Variants in KIAA1671 observed in about 807,000 individuals in gnomAD.
KIAA1671 encodes KIAA1671.
A neutral mutation model predicts 131.2 loss-of-function variants in KIAA1671; 52 were observed. That is an observed-to-expected ratio of 0.40 (90% CI 0.32 to 0.50). KIAA1671 has a LOEUF of 0.50. Among genes scored for constraint, KIAA1671 ranks in the 20% least tolerant of loss-of-function variants. The pLI, the probability that KIAA1671 is intolerant of heterozygous loss-of-function variation, is 0.73. For synonymous variants in KIAA1671, 1,003 were observed against 961.6 expected (o/e 1.04, Z -0.80); for missense variants, 2,360 against 2,364.2 (o/e 1.00, Z 0.04).
chr22:25,094,040 G>T (rs182559287), intron 6 of KIAA1671, among the ~76,000 whole-genome samples: 163 of 152,120 alleles, frequency 1.1e-3, no homozygotes, highest in African/African-American at 3.4e-3. Context: ...GGACTGTATA[G>T]GTGTCCACAT....
chr22:25,040,210 T>C lies in KIAA1671; in HGVS notation c.3080T>C (p.Phe1027Ser). 1 of 1,551,672 alleles carries C rather than the reference T, an allele frequency of 6.4e-7. No homozygotes were observed. The highest frequency in any genetic ancestry group is 8.7e-7 in the Non-Finnish European group (1 of 1,146,998). ...TCACCTGTGGAACCCAAGGCGACATTTTTTGCAGTCACCTATCAGATTCCC... is the reference window on the plus strand; with the variant it reads ...TCACCTGTGGAACCCAAGGCGACATCTTTTGCAGTCACCTATCAGATTCCC... ...QGSPVEPKAT[F>S]FAVTYQIPNT... is the part of the protein sequence containing the mutation. The change falls in exon 5 of 13, where the codon TTT (phenylalanine) becomes TCT (serine). Residue 1027 changes from phenylalanine to serine, a missense_variant. Around this residue, in one of 3 missense-constraint regions of KIAA1671, gnomAD observed 1,161 missense variants for 1,204.7 expected, o/e 0.96. Coordinates refer to ENST00000358431, the MANE Select transcript of KIAA1671 (RefSeq NM_001145206.2).
intron 1 of KIAA1671, among the ~76,000 whole-genome samples, chr22:24,999,771 C>G (rs541730601): frequency 3.3e-5 from 5 of 150,538 alleles, no homozygotes; most frequent in Non-Finnish European, 5.9e-5. Context: ...TCATATTGTT[C>G]AGACTGGTCT....
At chr22:25,165,017 G>GTGTGTGTGTGTGTC (rs1254688272) in intron 6 of KIAA1671, among the ~76,000 whole-genome samples, 2 of 146,962 alleles carry the variant, frequency 1.4e-5, no homozygotes, top group East Asian at 2.0e-4. Context: ...GTGTGTGTGT[G>GTGTGTGTGTGTGTC]TGTGTCTGTG....
At chr22:25,149,543 C>T (rs1358806622) in intron 6 of KIAA1671, among the ~76,000 whole-genome samples, 2 of 152,128 alleles carry the variant, frequency 1.3e-5, no homozygotes, top group African/African-American at 4.8e-5. Flanking sequence ...AGCATCTTGC[C>T]TCCTCCCTTC....
chr22:25,110,531 C>T (rs1931275414), intron 6 of KIAA1671, among the ~76,000 whole-genome samples: 1 of 152,170 alleles, frequency 6.6e-6, no homozygotes, highest in Non-Finnish European at 1.5e-5. Flanking sequence ...ATTTCCTTGT[C>T]TGTAAAAGTA....
chr22:24,970,571 C>T (rs986854741), intron 1 of KIAA1671, among the ~76,000 whole-genome samples: 5 of 152,008 alleles, frequency 3.3e-5, no homozygotes, highest in African/African-American at 1.2e-4. Context: ...AGGCTCCTAG[C>T]ACAGCCAGGC....
At chr22:25,114,402 C>G (rs530472533) in intron 6 of KIAA1671, among the ~76,000 whole-genome samples, 4 of 152,376 alleles carry the variant, frequency 2.6e-5, no homozygotes, top group African/African-American at 9.6e-5. Flanking sequence ...AATGCTCTCT[C>G]TCTGTTGCTT....
intron 11 of KIAA1671, chr22:25,185,395 G>C (rs1934443099): frequency 2.4e-6 from 1 of 409,906 alleles, no homozygotes; most frequent in African/African-American, 2.1e-5. Context: ...ACCATTGCTG[G>C]AGAACTACTG....
chr22:25,192,137 C>T (rs1274340358), intron 12 of KIAA1671, among the ~76,000 whole-genome samples: 1 of 152,060 alleles, frequency 6.6e-6, no homozygotes, highest in African/African-American at 2.4e-5. Flanking sequence ...ATTTAAGCCT[C>T]CAGCAACCCC....
chr22:25,068,610 A>G (rs1207481780), intron 6 of KIAA1671, among the ~76,000 whole-genome samples: 6 of 152,106 alleles, frequency 3.9e-5, no homozygotes, highest in South Asian at 2.1e-4. Flanking sequence ...CTAATTTTTT[A>G]TATTTTTAGT....
At chr22:25,189,338 A>T (rs1240756758) in intron 11 of KIAA1671, among the ~76,000 whole-genome samples, 1 of 151,478 alleles carries the variant, frequency 6.6e-6, no homozygotes, top group African/African-American at 2.4e-5. Flanking sequence ...ACACCCGGCT[A>T]ATTTTTTTTT....
chr22:25,118,838 G>T lies in KIAA1671; in HGVS notation c.4531-51982G>T, dbSNP rs78310888. Among the ~76,000 whole-genome samples the T allele has an allele frequency of 7.3e-3, 1,113 of 152,132 alleles. 6 individuals are homozygous for T. The highest frequency in any genetic ancestry group is 0.011 in the Non-Finnish European group (735 of 68,004). Reference sequence around the variant, plus strand: ...CCCTCTGACCTCCTGCTCTTCGTCAGTCACCCCCTGCTCCTTCCAGACGCC... The same window carrying T: ...CCCTCTGACCTCCTGCTCTTCGTCATTCACCCCCTGCTCCTTCCAGACGCC... On this transcript the variant is annotated intron_variant, in intron 6 of 12. Transcript: ENST00000358431.
chr22:24,969,812 G>T (rs964315154), intron 1 of KIAA1671, among the ~76,000 whole-genome samples: 2 of 152,210 alleles, frequency 1.3e-5, no homozygotes, highest in African/African-American at 4.8e-5. Context: ...TCACTACCCA[G>T]TATGAACTTC....
chr22:25,196,438 T>C lies in KIAA1671; in HGVS notation c.*4037T>C, dbSNP rs1934830514. On this transcript the variant is annotated 3_prime_UTR_variant, in exon 13 of 13. Transcript: ENST00000358431. ...GTTTTCTAAAGAATTTGAACTTTTT[T>C]TTTTTTCTTTTCTTGAGACACGGTC... 1.3e-5 allele frequency: 2 copies of C among 152,086 alleles called. No individual in the cohort carries two copies. The highest frequency in any genetic ancestry group is 4.8e-5 in the African/African-American group (2 of 41,398). The allele number at this position is 152,086 out of a possible 1,614,324, so 9.4% of individuals were successfully genotyped here.
intron 6 of KIAA1671, among the ~76,000 whole-genome samples, chr22:25,145,379 G>A (rs1349737582): frequency 6.6e-6 from 1 of 152,220 alleles, no homozygotes; most frequent in Non-Finnish European, 1.5e-5. Context: ...GGACCTGCCT[G>A]TGGGCCATGA....
At chr22:25,009,104 G>A (rs551951459) in intron 1 of KIAA1671, among the ~76,000 whole-genome samples, 1 of 152,264 alleles carries the variant, frequency 6.6e-6, no homozygotes, top group East Asian at 1.9e-4. Flanking sequence ...GTGGAGGGGA[G>A]AGTGCAGTGC....
rs1271208839 is a variant in KIAA1671, at chr22:25,039,762, C to G, written c.2632C>G (p.Pro878Ala). ...CAAGCCAGGAGTGGGAGCAAGGGGC[C>G]CACCCCAGGGATGCCCCCTCGATCC... ...RSKPGVGARGPPQGCPLDPLS... is the reference protein window; with the variant it reads ...RSKPGVGARGAPQGCPLDPLS... Residue 878 changes from proline to alanine, a missense_variant, in exon 5 of 13, where the codon CCA becomes GCA. This residue lies in a region of KIAA1671 where 1,161 missense variants were observed against 1,204.7 expected (regional missense o/e 0.96). Coordinates refer to ENST00000358431, the MANE Select transcript of KIAA1671 (RefSeq NM_001145206.2). 4.0e-6 allele frequency: 6 copies of G among 1,496,564 alleles called. No homozygotes were observed. The South Asian group carries it at 6.7e-5, about 17-fold the overall frequency. 92.7% of individuals were successfully genotyped at this position (1,496,564 alleles called of 1,614,324 possible).
intron 6 of KIAA1671, among the ~76,000 whole-genome samples, chr22:25,123,806 A>G (rs530197369): frequency 6.6e-6 from 1 of 152,342 alleles, no homozygotes; most frequent in Admixed American, 6.5e-5. Context: ...GCTTCCAGAA[A>G]CGGTGTGAGA....
rs1235025522 is a variant in KIAA1671, at chr22:25,040,303, TCACTC to T, written c.3177_3181del (p.Pro1060LeufsTer16). 5 of 1,551,548 alleles carry T rather than the reference TCACTC, an allele frequency of 3.2e-6. No individual in the cohort carries two copies. Among genetic ancestry groups the T allele is most frequent in the African/African-American group, 1.4e-5 (1 of 73,026 alleles). On this transcript the variant is annotated frameshift_variant, in exon 5 of 13. Coordinates refer to ENST00000358431, the MANE Select transcript of KIAA1671 (RefSeq NM_001145206.2). LOFTEE classifies it high-confidence loss of function. ...AGCTTGCTGGAACATTCTAGAAAAA[TCACTC>T]CACCCTCGTCTCCTCATTCTTTAAC...
Sources: gnomAD v4.1 joint callset for allele counts (sites outside exome capture counted in the v4.1 genomes callset) on GRCh38, gnomAD v4.1.1 for gene constraint, gnomAD v4.1.1 regional missense constraint, MANE v1.5 for transcripts, NCBI Gene and HGNC (gene_info 2026-07-23, HGNC 2026-07-21) for gene names.